NEMP2: variants seen among roughly 807,000 people sequenced by gnomAD.
NEMP2 encodes nuclear envelope integral membrane protein 2.
A neutral mutation model predicts 54.2 loss-of-function variants in NEMP2; 53 were observed. The observed-to-expected ratio is 0.98, with a 90% confidence interval of 0.78 to 1.23. The LOEUF is 1.23. Among genes scored for constraint, NEMP2 ranks in the 50% most tolerant of loss-of-function variants. The pLI, the probability that NEMP2 is intolerant of heterozygous loss-of-function variation, is 0.00. For missense variants in NEMP2, 455 were observed against 511.3 expected (o/e 0.89, Z 1.06); for synonymous variants, 197 against 190.3 (o/e 1.04, Z -0.29).
the NEMP2 span, among the ~76,000 whole-genome samples, chr2:190,473,221 A>C: frequency 2.3e-4 from 35 of 152,228 alleles, no homozygotes; most frequent in Admixed American, 1.8e-3. Flanking sequence ...GACAGGATCA[A>C]ATTCACACAT....
At position 190,529,973 on chromosome 2, in the gene NEMP2, C is replaced by T. The variant is rs1691085953; in HGVS notation, c.97+4586G>A. Among the ~76,000 whole-genome samples the T allele has an allele frequency of 6.6e-6, 1 of 152,206 alleles. No homozygotes were observed. The highest frequency in any genetic ancestry group is 2.4e-5 in the African/African-American group (1 of 41,444). ...TAGCTAGAGGGTTGAGTACTGTAAC[C>T]CTTAACATCCTCTGGACTGGGGATC... On this transcript the variant is annotated intron_variant, in intron 1 of 8. Coordinates refer to ENST00000409150, the MANE Select transcript of NEMP2 (RefSeq NM_001142645.2). The surrounding 1 kb of genome is among the most constrained non-coding windows in gnomAD (Gnocchi z 4.7).
chr2:190,583,801 T>C, the NEMP2 span, among the ~76,000 whole-genome samples: 3 of 152,232 alleles, frequency 2.0e-5, no homozygotes, highest in African/African-American at 7.2e-5. Context: ...GACATGTTCA[T>C]GGTTTTACTG....
the NEMP2 span, among the ~76,000 whole-genome samples, chr2:190,556,284 C>T: frequency 4.6e-5 from 7 of 152,296 alleles, no homozygotes; most frequent in South Asian, 1.0e-3. Flanking sequence ...AACAGCTCTT[C>T]ATGCTAAAAA....
intron 4 of NEMP2, among the ~76,000 whole-genome samples, chr2:190,518,300 T>C (rs983108091): frequency 6.6e-6 from 1 of 152,186 alleles, no homozygotes; most frequent in Admixed American, 6.5e-5. Context: ...AGTCAGAAAT[T>C]TGCTATATTC....
At chr2:190,646,910 GA>G in the NEMP2 span, 1 of 152,160 alleles carries the variant, frequency 6.6e-6, no homozygotes, top group Admixed American at 6.5e-5. Flanking sequence ...CATCTTTACG[GA>G]AAAAAGTTCT....
chr2:190,604,276 A>C, the NEMP2 span, among the ~76,000 whole-genome samples: 1 of 152,248 alleles, frequency 6.6e-6, no homozygotes, highest in Admixed American at 6.5e-5. The surrounding 1 kb of genome is among the most constrained non-coding windows in gnomAD (Gnocchi z 4.5). Flanking sequence ...TAGAGGGATC[A>C]AATGGAAAAG....
Position 190,516,249 on chromosome 2 carries a change from ATTG to A in NEMP2, c.727+18_727+20del. 6.7e-7 allele frequency: 1 copy of A among 1,503,174 alleles called. No individual in the cohort carries two copies. Among genetic ancestry groups the A allele is most frequent in the Middle Eastern group, 1.7e-4 (1 of 5,854 alleles). The allele number at this position is 1,503,174 out of a possible 1,614,324, so 93.1% of individuals were successfully genotyped here. A position where few individuals can be genotyped will look rare whatever the true frequency, so the allele number is the denominator to read the frequency against. On this transcript the variant is annotated intron_variant, in intron 6 of 8. Transcript: ENST00000409150. ...CTCAGTTTTACCAATCACAGAGCAT[ATTG>A]TTTTTCTATTTACCTACCTAATACA...
the NEMP2 span, among the ~76,000 whole-genome samples, chr2:190,617,304 G>T: frequency 6.6e-6 from 1 of 151,004 alleles, no homozygotes; most frequent in African/African-American, 2.4e-5. This position sits in a 1 kb window ranked among gnomAD's most constrained non-coding sequence, Gnocchi z 5.0. Flanking sequence ...TGAAGTCAAG[G>T]TCTATTTGAA....
At chr2:190,493,142 T>G in the NEMP2 span, among the ~76,000 whole-genome samples, 27 of 152,132 alleles carry the variant, frequency 1.8e-4, no homozygotes, top group African/African-American at 5.5e-4. Flanking sequence ...GAGACTCGCC[T>G]AACACATAGG....
rs1319659729 is a variant in NEMP2 at position 190,533,921 on chromosome 2, C to G, written c.97+638G>C. On this transcript the variant is annotated intron_variant, in intron 1 of 8. Transcript: ENST00000409150. The surrounding 1 kb of genome is among the most constrained non-coding windows in gnomAD (Gnocchi z 4.3). ...TCTTAAGCCCACTCCGTGGCGAGCC[C>G]CTACAGCTAGCAGCCGCTACCAGTT... The G allele has an allele frequency of 2.2e-5, 21 of 961,580 alleles. No individual in the cohort carries two copies. The highest frequency in any genetic ancestry group is 2.5e-5 in the Non-Finnish European group (20 of 808,346). The allele number at this position is 961,580 out of a possible 1,614,324, so 59.6% of individuals were successfully genotyped here.
At chr2:190,461,645 TGGCAGAA>T in the NEMP2 span, among the ~76,000 whole-genome samples, 1 of 152,172 alleles carries the variant, frequency 6.6e-6, no homozygotes, top group Admixed American at 6.5e-5. The surrounding 1 kb of genome is among the most constrained non-coding windows in gnomAD (Gnocchi z 5.5). Context: ...TGTTCTCTCA[TGGCAGAA>T]GGCAGAAGGG....
chr2:190,647,468 T>C, the NEMP2 span, among the ~76,000 whole-genome samples: 3 of 152,190 alleles, frequency 2.0e-5, no homozygotes, highest in Non-Finnish European at 2.9e-5. Flanking sequence ...AGGCACACTC[T>C]GGGAGGCCAG....
chr2:190,588,382 G>A, the NEMP2 span, among the ~76,000 whole-genome samples: 2 of 152,278 alleles, frequency 1.3e-5, no homozygotes, highest in South Asian at 2.1e-4. The surrounding 1 kb of genome is among the most constrained non-coding windows in gnomAD (Gnocchi z 5.0). Context: ...ACCTAAGCTA[G>A]GTTAAGGAAA....
At chr2:190,497,360 GT>G in the NEMP2 span, 4 of 1,498,024 alleles carry the variant, frequency 2.7e-6, no homozygotes, top group Non-Finnish European at 3.6e-6. The surrounding 1 kb of genome is among the most constrained non-coding windows in gnomAD (Gnocchi z 5.2). Flanking sequence ...GGGATTCTTG[GT>G]TTATTTATTT....
Position 190,513,906 on chromosome 2 carries a change from CT to C in NEMP2, c.953+546del, listed in dbSNP as rs538660825. On this transcript the variant is annotated intron_variant, in intron 7 of 8. Coordinates refer to ENST00000409150, the MANE Select transcript of NEMP2 (RefSeq NM_001142645.2). This position sits in a 1 kb window ranked among gnomAD's most constrained non-coding sequence, Gnocchi z 5.3. Reference sequence around the variant, plus strand: ...ATCTGTGCACCTGACATGAAAACAGCTGCTCAGACTCAATGACTGAGGAGAA... The same window carrying C: ...ATCTGTGCACCTGACATGAAAACAGCGCTCAGACTCAATGACTGAGGAGAA... 6.8e-4 allele frequency among the ~76,000 whole-genome samples: 104 copies of C among 152,300 alleles called. 1 individual carries two copies. Among genetic ancestry groups the C allele is most frequent in the Admixed American group, 5.5e-3 (84 of 15,302 alleles).
Position 190,514,316 on chromosome 2 carries a change from C to G in NEMP2, c.953+137G>C. On this transcript the variant is annotated intron_variant, in intron 7 of 8. Transcript: ENST00000409150. This position sits in a 1 kb window ranked among gnomAD's most constrained non-coding sequence, Gnocchi z 5.7. ...ATGCTTGGAGCTCTCTACCCCTACA[C>G]CCCCAATCTTGCTCAGAATGAAATC... The G allele has an allele frequency of 1.2e-6, 1 of 846,880 alleles. No individual in the cohort carries two copies. Among genetic ancestry groups the G allele is most frequent in the Non-Finnish European group, 1.9e-6 (1 of 534,350 alleles). The allele number at this position is 846,880 out of a possible 1,614,324, so 52.5% of individuals were successfully genotyped here. A position where few individuals can be genotyped will look rare whatever the true frequency, so the allele number is the denominator to read the frequency against.
Position 190,517,485 on chromosome 2 carries a change from T to A in NEMP2, c.612+35A>T, listed in dbSNP as rs186837620. On this transcript the variant is annotated intron_variant, in intron 5 of 8. Transcript: ENST00000409150. ...TTTTCATGTCTGTAAGATCATGATT[T>A]CCATTTTTTACTCATTTTCACATAG... 31 of 1,410,770 alleles carry A rather than the reference T, an allele frequency of 2.2e-5. No individual in the cohort carries two copies. In the East Asian group the frequency reaches 7.0e-4, roughly 32 times the overall value. The allele number at this position is 1,410,770 out of a possible 1,614,324, so 87.4% of individuals were successfully genotyped here.
At chr2:190,534,099 A>G in intron 1 of NEMP2, 1 of 986,960 alleles carries the variant, frequency 1.0e-6, no homozygotes, top group South Asian at 4.7e-5. Context: ...TCTGAAGCTG[A>G]AGCTGTTACC....
In NEMP2 at chr2:190,513,788, A is replaced by T. The variant is rs559036209; in HGVS notation, c.953+665T>A. ...CTCCTGGCTTTCTCTATATACCCTT[A>T]GTTCCTGGGCAAGTCTCCATTTTAA... On this transcript the variant is annotated intron_variant, in intron 7 of 8. Coordinates refer to ENST00000409150, the MANE Select transcript of NEMP2 (RefSeq NM_001142645.2). This position sits in a 1 kb window ranked among gnomAD's most constrained non-coding sequence, Gnocchi z 5.3. Among the ~76,000 whole-genome samples, 1 of 152,302 alleles carries T rather than the reference A, an allele frequency of 6.6e-6. No individual in the cohort carries two copies. The highest frequency in any genetic ancestry group is 1.9e-4 in the East Asian group (1 of 5,190).
Sources: gnomAD v4.1 joint callset for allele counts (sites outside exome capture counted in the v4.1 genomes callset) on GRCh38, gnomAD v4.1.1 for gene constraint, Gnocchi (gnomAD v3.1) non-coding constraint, MANE v1.5 for transcripts, NCBI Gene and HGNC (gene_info 2026-07-23, HGNC 2026-07-21) for gene names.